ZNG1B: variants seen among roughly 807,000 people sequenced by gnomAD.
The protein encoded by ZNG1B is Zn regulated GTPase metalloprotein activator 1B.
At chr2:113,440,580 A>T in the ZNG1B span, among the ~76,000 whole-genome samples, 78 of 152,270 alleles carry the variant, frequency 5.1e-4, no homozygotes, top group Non-Finnish European at 9.0e-4. Flanking sequence ...GACCTAAAAG[A>T]TATTAATACC....
the ZNG1B span, among the ~76,000 whole-genome samples, chr2:113,476,274 G>A: frequency 6.6e-6 from 1 of 151,770 alleles, no homozygotes; most frequent in Non-Finnish European, 1.5e-5. Flanking sequence ...TCTTCCAGTT[G>A]ATCGCATCGG....
the ZNG1B span, among the ~76,000 whole-genome samples, chr2:113,446,260 A>G: frequency 5.3e-5 from 8 of 152,086 alleles, no homozygotes; most frequent in African/African-American, 1.9e-4. Context: ...AGGAAGAAAG[A>G]AAAACTAAAG....
chr2:113,477,521 A>G, the ZNG1B span, among the ~76,000 whole-genome samples: 3 of 152,046 alleles, frequency 2.0e-5, no homozygotes, highest in East Asian at 1.9e-4. Context: ...AGCTGTTCCT[A>G]TTTGGCCATC....
At chr2:113,471,897 G>C in the ZNG1B span, among the ~76,000 whole-genome samples, 4 of 151,542 alleles carry the variant, frequency 2.6e-5, no homozygotes, top group African/African-American at 9.7e-5. Context: ...GGACATTTGG[G>C]TTGGTTCCAA....
At chr2:113,465,011 T>A in the ZNG1B span, 2 of 368,658 alleles carry the variant, frequency 5.4e-6, no homozygotes, top group Non-Finnish European at 1.0e-5. Flanking sequence ...TTTTTCTGGT[T>A]CCAGATGTAT....
the ZNG1B span, chr2:113,465,965 G>T: frequency 2.0e-6 from 2 of 984,906 alleles, no homozygotes; most frequent in Non-Finnish European, 2.4e-6. Flanking sequence ...TAAGTATTAG[G>T]CAGTAACAGC....
the ZNG1B span, chr2:113,466,355 CTTCT>C: frequency 2.5e-6 from 2 of 800,930 alleles, no homozygotes; most frequent in African/African-American, 4.3e-5. Context: ...AGTCAATTCT[CTTCT>C]TTTGTTTTCA....
chr2:113,445,050 AC>A, the ZNG1B span: 1 of 1,609,810 alleles, frequency 6.2e-7, no homozygotes. Flanking sequence ...GGATTGGCAG[AC>A]CCAGGTAAGA....
At chr2:113,482,187 AAACTTC>A in the ZNG1B span, 1 of 1,315,588 alleles carries the variant, frequency 7.6e-7, no homozygotes, top group Non-Finnish European at 1.1e-6. Flanking sequence ...TTTGCAGAAA[AAACTTC>A]AGCATGTGCC....
chr2:113,477,955 A>G, the ZNG1B span, among the ~76,000 whole-genome samples: 1 of 152,248 alleles, frequency 6.6e-6, no homozygotes. Context: ...CGTAGCATAA[A>G]GTCACCAAGG....
At chr2:113,453,392 A>C in the ZNG1B span, among the ~76,000 whole-genome samples, 4 of 151,816 alleles carry the variant, frequency 2.6e-5, no homozygotes, top group Non-Finnish European at 2.9e-5. Flanking sequence ...AGCTGGGACT[A>C]CAGGCGTGCA....
chr2:113,477,228 T>C, the ZNG1B span, among the ~76,000 whole-genome samples: 1 of 152,192 alleles, frequency 6.6e-6, no homozygotes, highest in African/African-American at 2.4e-5. Context: ...TGGTGCGCCT[T>C]TTTTTAAGCC....
At chr2:113,462,573 T>C in the ZNG1B span, 2 of 1,502,068 alleles carry the variant, frequency 1.3e-6, no homozygotes, top group Non-Finnish European at 1.8e-6. Flanking sequence ...ATTGTTGCCC[T>C]GTAGAAACTT....
At chr2:113,495,069 T>C in the ZNG1B span, 3 of 1,343,006 alleles carry the variant, frequency 2.2e-6, 1 homozygote, top group Non-Finnish European at 2.9e-6. Context: ...ATTTCTGCTT[T>C]TAAGTTTGAA....
chr2:113,462,593 G>A, the ZNG1B span: 2 of 1,343,658 alleles, frequency 1.5e-6, no homozygotes, highest in Non-Finnish European at 2.1e-6. Flanking sequence ...TAAGGTATAA[G>A]GTTGAGCTGC....
At chr2:113,444,197 T>C in the ZNG1B span, 43 of 418,534 alleles carry the variant, frequency 1.0e-4, no homozygotes, top group Non-Finnish European at 1.5e-4. Flanking sequence ...TTCAACCTTA[T>C]AAAAAAAATA....
At chr2:113,487,364 A>G in the ZNG1B span, among the ~76,000 whole-genome samples, 1 of 152,134 alleles carries the variant, frequency 6.6e-6, no homozygotes. Flanking sequence ...CCATGACTGT[A>G]TATTTTTTAT....
the ZNG1B span, among the ~76,000 whole-genome samples, chr2:113,446,652 A>G: frequency 1.3e-5 from 2 of 148,774 alleles, no homozygotes; most frequent in African/African-American, 2.5e-5. Context: ...AGGCTAAGGC[A>G]TGAGAATCAC....
At chr2:113,488,114 C>T in the ZNG1B span, among the ~76,000 whole-genome samples, 5 of 152,098 alleles carry the variant, frequency 3.3e-5, no homozygotes, top group South Asian at 8.3e-4. Flanking sequence ...GAGTACATTT[C>T]ACCCTCCTAC....
Sources: gnomAD v4.1 joint callset for allele counts (sites outside exome capture counted in the v4.1 genomes callset) on GRCh38, gnomAD v4.1.1 for gene constraint, MANE v1.5 for transcripts, NCBI Gene and HGNC (gene_info 2026-07-23, HGNC 2026-07-21) for gene names.